LRRC4C: variants seen among roughly 807,000 people sequenced by gnomAD.
LRRC4C encodes the protein leucine-rich repeat-containing protein 4C.
In LRRC4C, 5 loss-of-function variants were observed where a neutral mutation model predicts 33.6. The ratio of observed to expected loss-of-function variants is 0.15; its 90% CI spans 0.08 to 0.31. The LOEUF (loss-of-function observed/expected upper bound fraction) is 0.31. LRRC4C is among the 10% of genes least tolerant of loss of function. The probability of loss-of-function intolerance (pLI) is 1.00; values close to 1 mark genes in which losing one functional copy is unlikely to be tolerated. For synonymous variants in LRRC4C, 329 were observed against 302.0 expected, an observed-to-expected ratio of 1.09 and a Z score of -0.93; for missense variants, 560 against 796.7, an observed-to-expected ratio of 0.70 and a Z score of 3.58.
At chr11:40,908,494 AAAAT>A (rs1241711406) in intron 2 of LRRC4C, among the ~76,000 whole-genome samples, 1 of 152,174 alleles carries the variant, frequency 6.6e-6, no homozygotes, top group African/African-American at 2.4e-5. Context: ...ATTAGAACCA[AAAAT>A]AAATAAATGA....
At chr11:40,443,624 G>C (rs537899221) in intron 3 of LRRC4C, among the ~76,000 whole-genome samples, 3 of 152,122 alleles carry the variant, frequency 2.0e-5, no homozygotes, top group African/African-American at 7.2e-5. Context: ...TATTTACATA[G>C]CATATTTTCA....
At chr11:40,295,040 T>C (rs913329415) in intron 4 of LRRC4C, among the ~76,000 whole-genome samples, 2 of 152,252 alleles carry the variant, frequency 1.3e-5, no homozygotes, top group Non-Finnish European at 2.9e-5. Flanking sequence ...CCAGGACAGC[T>C]TGACAACTCA....
chr11:40,374,061 C>T (rs1372305463), intron 3 of LRRC4C, among the ~76,000 whole-genome samples: 1 of 152,036 alleles, frequency 6.6e-6, no homozygotes, highest in Non-Finnish European at 1.5e-5. Flanking sequence ...CTTAACAAGA[C>T]TATTAAGATT....
rs564787041 is a variant in LRRC4C at position 40,602,884 on chromosome 11, C to A, written c.-270+45258G>T. 1.3e-4 allele frequency among the ~76,000 whole-genome samples: 20 copies of A among 152,280 alleles called. No homozygotes were observed. In the East Asian group the frequency reaches 3.5e-3, roughly 26 times the overall value. ...TCATGATTTTTGATGTTATTTTGGT[C>A]ATTGGCCCAAGAAATTCCTGAATCT... On this transcript the variant is annotated intron_variant, in intron 3 of 6. Coordinates refer to ENST00000528697, the MANE Select transcript of LRRC4C (RefSeq NM_001258419.2).
chr11:41,032,003 T>G (rs534801172), intron 1 of LRRC4C, among the ~76,000 whole-genome samples: 3 of 152,016 alleles, frequency 2.0e-5, no homozygotes, highest in Non-Finnish European at 4.4e-5. Context: ...GCATAGCAGT[T>G]CAAGGCCCAC....
At chr11:40,418,941 G>T (rs1950426779) in intron 3 of LRRC4C, among the ~76,000 whole-genome samples, 1 of 152,086 alleles carries the variant, frequency 6.6e-6, no homozygotes, top group Admixed American at 6.5e-5. Context: ...CATGAACACA[G>T]GTAGGAGAAC....
chr11:41,416,060 A>G (rs1386105368), intron 1 of LRRC4C, among the ~76,000 whole-genome samples: 1 of 151,994 alleles, frequency 6.6e-6, no homozygotes, highest in Non-Finnish European at 1.5e-5. Context: ...GGTTTGGGGA[A>G]GGAGATAGGA....
chr11:41,070,120 T>G (rs1378497372), intron 1 of LRRC4C, among the ~76,000 whole-genome samples: 2 of 152,148 alleles, frequency 1.3e-5, no homozygotes, highest in Non-Finnish European at 2.9e-5. Flanking sequence ...ACCACACATC[T>G]ACAACCATCT....
chr11:40,141,481 A>G lies in LRRC4C; in HGVS notation c.-95-628T>C, dbSNP rs538326666. 2.0e-5 allele frequency among the ~76,000 whole-genome samples: 3 copies of G among 152,354 alleles called. No individual in the cohort carries two copies. In the East Asian group the frequency reaches 5.8e-4, roughly 29 times the overall value. On this transcript the variant is annotated intron_variant, in intron 5 of 6. Transcript: ENST00000528697. ...TCCTAAGAGAGAGAGCTCACATTTT[A>G]CAAAGTATAATGAAGTAAAAGAAAC...
chr11:40,115,786 G>A lies in LRRC4C; in HGVS notation c.507C>T (p.Asn169=). ...CTAGTCGGCGCAAAGAAGGAATTCTGTTAAAAGCATAAGAAGGGATGCTTT... is the reference window on the plus strand; with the variant it reads ...CTAGTCGGCGCAAAGAAGGAATTCTATTAAAAGCATAAGAAGGGATGCTTT... The part of the protein sequence containing the change: ...PIESIPSYAF[N]RIPSLRRLDL... Residue 169 remains asparagine, a synonymous_variant, in exon 7 of 7, where the codon AAC becomes AAT. Transcript: ENST00000528697. This position sits in a 1 kb window ranked among gnomAD's most constrained non-coding sequence, Gnocchi z 6.7. The A allele has an allele frequency of 6.2e-7, 1 of 1,614,170 alleles. No individual in the cohort carries two copies. The highest frequency in any genetic ancestry group is 8.5e-7 in the Non-Finnish European group (1 of 1,180,024).
intron 1 of LRRC4C, among the ~76,000 whole-genome samples, chr11:41,151,477 C>A (rs1943995755): frequency 6.6e-6 from 1 of 152,196 alleles, no homozygotes; most frequent in Non-Finnish European, 1.5e-5. Context: ...TTAGTGAGTA[C>A]TCAGCACTAG....
chr11:41,277,419 T>A (rs1343522207), intron 1 of LRRC4C, among the ~76,000 whole-genome samples: 1 of 152,200 alleles, frequency 6.6e-6, no homozygotes, highest in African/African-American at 2.4e-5. Context: ...CTTTTTAAAG[T>A]TCTTCTAGAA....
chr11:40,169,177 TG>T (rs2135417848), intron 5 of LRRC4C, among the ~76,000 whole-genome samples: 1 of 152,322 alleles, frequency 6.6e-6, no homozygotes, highest in Non-Finnish European at 1.5e-5. Context: ...CTTATTTTTC[TG>T]GGATACGGTA....
chr11:40,570,701 A>G (rs1957948673), intron 3 of LRRC4C, among the ~76,000 whole-genome samples: 1 of 152,084 alleles, frequency 6.6e-6, no homozygotes, highest in African/African-American at 2.4e-5. Flanking sequence ...TTCTCTTCAG[A>G]TATTATTTCT....
intron 3 of LRRC4C, among the ~76,000 whole-genome samples, chr11:40,600,180 G>A (rs182725448): frequency 1.1e-4 from 16 of 152,284 alleles, no homozygotes; most frequent in African/African-American, 3.8e-4. Flanking sequence ...GGACTTAACA[G>A]CCACTCAATA....
intron 3 of LRRC4C, among the ~76,000 whole-genome samples, chr11:40,385,251 T>C (rs1441638693): frequency 2.0e-5 from 3 of 152,126 alleles, no homozygotes. Context: ...GAATGATTCA[T>C]TCTTCTTACT....
intron 2 of LRRC4C, among the ~76,000 whole-genome samples, chr11:40,788,282 T>A (rs1324106699): frequency 6.6e-6 from 1 of 151,500 alleles, no homozygotes; most frequent in Non-Finnish European, 1.5e-5. Flanking sequence ...ATATTCAACC[T>A]CAATAAAGCA....
intron 3 of LRRC4C, among the ~76,000 whole-genome samples, chr11:40,422,651 C>A (rs1280954363): frequency 1.3e-5 from 2 of 151,376 alleles, no homozygotes; most frequent in Non-Finnish European, 2.9e-5. Flanking sequence ...TCATTCTTTT[C>A]TCTTACTTTA....
chr11:40,722,023 G>T (rs966788291), intron 2 of LRRC4C, among the ~76,000 whole-genome samples: 1 of 152,140 alleles, frequency 6.6e-6, no homozygotes, highest in Non-Finnish European at 1.5e-5. Context: ...AATAGTGGAA[G>T]AAAGGAGGGA....
Sources: allele counts gnomAD v4.1 joint callset (sites outside exome capture counted in the v4.1 genomes callset), GRCh38; gene constraint gnomAD v4.1.1; non-coding constraint Gnocchi (gnomAD v3.1); transcripts MANE v1.5; gene names NCBI Gene and HGNC (gene_info 2026-07-23, HGNC 2026-07-21).